Variants in PJA2 observed in about 807,000 individuals in gnomAD.
PJA2 encodes the protein praja ring finger ubiquitin ligase 2.
PJA2 carries 25 observed loss-of-function variants against 69.3 expected under a neutral mutation model. The ratio of observed to expected loss-of-function variants is 0.36; its 90% confidence interval spans 0.26 to 0.50. PJA2 has a LOEUF of 0.50. Ranked by LOEUF, PJA2 falls within the 20% of genes least tolerant of loss-of-function variation. The pLI, the probability that PJA2 is intolerant of heterozygous loss-of-function variation, is 0.96. For synonymous variants in PJA2, 308 were observed against 277.8 expected (o/e 1.11, Z -1.08); for missense variants, 809 against 830.2 (o/e 0.97, Z 0.31).
At chr5:109,388,425 C>A (rs765567144) in intron 1 of PJA2, among the ~76,000 whole-genome samples, 1 of 152,190 alleles carries the variant, frequency 6.6e-6, no homozygotes, top group Non-Finnish European at 1.5e-5. Flanking sequence ...TTCGAACCCA[C>A]TGGGACTATG....
At position 109,378,441 on chromosome 5, in the gene PJA2, G is replaced by A; in HGVS notation, c.1046C>T (p.Ala349Val). 1 of 1,614,086 alleles carries A rather than the reference G, an allele frequency of 6.2e-7. No homozygotes were observed. Residue 349 changes from alanine to valine, a missense_variant, in exon 4 of 10, where the codon GCT (alanine) becomes GTT (valine). Physicochemically the swap from Ala to Val is moderately conservative, Grantham distance 64. Around this residue, in one of 4 missense-constraint regions of PJA2, gnomAD observed 700 missense variants for 639.5 expected, o/e 1.09. Coordinates refer to ENST00000361189, the MANE Select transcript of PJA2 (RefSeq NM_014819.5). ...TGAGCCACTTTCCTCAACTTCCAAA[G>A]CCTCTCTCCATCTTTGAACACTTCT... ...KQRSVQRWRE[A>V]LEVEESGSDD...
intron 1 of PJA2, among the ~76,000 whole-genome samples, chr5:109,401,751 T>C (rs1301233807): frequency 6.6e-6 from 1 of 152,188 alleles, no homozygotes; most frequent in Non-Finnish European, 1.5e-5. Context: ...AAGTTCTTCA[T>C]GCAGAAAGAA....
intron 6 of PJA2, among the ~76,000 whole-genome samples, chr5:109,356,831 CTCA>C (rs2126995849): frequency 6.6e-6 from 1 of 152,142 alleles, no homozygotes; most frequent in South Asian, 2.1e-4. Context: ...CTCCTAACTG[CTCA>C]TTTTTAATTA....
chr5:109,353,692 CTAT>C (rs1338106971), intron 7 of PJA2, among the ~76,000 whole-genome samples: 1 of 146,464 alleles, frequency 6.8e-6, no homozygotes, highest in Non-Finnish European at 1.5e-5. Context: ...TATTAGATAC[CTAT>C]TATATCTACA....
At chr5:109,342,546 G>A (rs1455469575) in intron 9 of PJA2, among the ~76,000 whole-genome samples, 5 of 94,554 alleles carry the variant, frequency 5.3e-5, no homozygotes, top group Non-Finnish European at 8.3e-5. Flanking sequence ...TCCCCCACCC[G>A]GCCAGCCGCC....
At chr5:109,354,878 G>A (rs1762386452) in intron 7 of PJA2, among the ~76,000 whole-genome samples, 2 of 151,820 alleles carry the variant, frequency 1.3e-5, no homozygotes, top group Admixed American at 1.3e-4. Context: ...GCCATGGGAG[G>A]CCAGAGTGGG....
chr5:109,404,513 CA>C (rs202199896), intron 1 of PJA2, among the ~76,000 whole-genome samples: 3 of 147,998 alleles, frequency 2.0e-5, no homozygotes, highest in Middle Eastern at 3.4e-3. Flanking sequence ...AAGACTCTGT[CA>C]AAAAAAAATA....
At position 109,378,806 on chromosome 5, in the gene PJA2, T is replaced by C; in HGVS notation, c.681A>G (p.Arg227=). The part of the protein sequence containing the change: ...PPVPSFNCEV[R]DEFEELDSVP... ...CAGAATCTAACTCTTCAAACTCATC[T>C]CTTACTTCACAGTTAAATGAGGGAA... Residue 227 remains arginine, a synonymous_variant, in exon 4 of 10, where the codon AGA becomes AGG. Transcript: ENST00000361189. 1.2e-6 allele frequency: 2 copies of C among 1,613,278 alleles called. No homozygotes were observed. Among genetic ancestry groups the C allele is most frequent in the South Asian group, 1.1e-5 (1 of 91,082 alleles).
intron 6 of PJA2, among the ~76,000 whole-genome samples, chr5:109,361,065 T>G (rs527503919): frequency 6.6e-6 from 1 of 151,492 alleles, no homozygotes; most frequent in East Asian, 1.9e-4. Flanking sequence ...GAGGCAGAAG[T>G]TGCAGTGAGC....
At chr5:109,385,008 G>T (rs1459147848) in intron 1 of PJA2, among the ~76,000 whole-genome samples, 4 of 152,046 alleles carry the variant, frequency 2.6e-5, no homozygotes, top group African/African-American at 9.7e-5. Context: ...GTAGAGACAG[G>T]GTTTCACCAT....
At position 109,351,408 on chromosome 5, in the gene PJA2, T is replaced by C. The variant is rs1456310798; in HGVS notation, c.1764+4507A>G. On this transcript the variant is annotated intron_variant, in intron 7 of 9. Transcript: ENST00000361189. Reference sequence around the variant, plus strand: ...ACTTCCTACAAAACACTTACCAAAATTCATAATTTATTTTTGATTATTTGG... The same window carrying C: ...ACTTCCTACAAAACACTTACCAAAACTCATAATTTATTTTTGATTATTTGG... Among the ~76,000 whole-genome samples the C allele has an allele frequency of 3.3e-5, 5 of 152,118 alleles. No individual in the cohort carries two copies. In the East Asian group the frequency reaches 7.7e-4, roughly 23 times the overall value.
intron 8 of PJA2, 127 bp downstream of exon 8, chr5:109,344,578 T>A (rs1231637706): frequency 1.4e-6 from 1 of 706,434 alleles, no homozygotes; most frequent in Admixed American, 2.8e-5. Context: ...TTTGTGAGCA[T>A]CTGGTTTCTA....
At chr5:109,347,369 G>A (rs990261580) in intron 7 of PJA2, among the ~76,000 whole-genome samples, 1 of 152,210 alleles carries the variant, frequency 6.6e-6, no homozygotes. Context: ...GGTTCCCTTG[G>A]GCTTGCCCCT....
chr5:109,378,229 G>C lies in PJA2; in HGVS notation c.1258C>G (p.Gln420Glu). 6.2e-7 allele frequency: 1 copy of C among 1,612,652 alleles called. No homozygotes were observed. Among genetic ancestry groups the C allele is most frequent in the Non-Finnish European group, 8.5e-7 (1 of 1,179,046 alleles). The change falls in exon 4 of 10, where the codon CAA becomes GAA. Residue 420 changes from glutamine to glutamate, a missense_variant. Gln to Glu is a conservative substitution (Grantham distance 29, BLOSUM62 2). Around this residue, in one of 4 missense-constraint regions of PJA2, gnomAD observed 700 missense variants for 639.5 expected, o/e 1.09. Coordinates refer to ENST00000361189, the MANE Select transcript of PJA2 (RefSeq NM_014819.5). ...TFWNGCGDYY[Q>E]LYDKDEDSSE... ...CTATCTTCATCTTTGTCATAGAGTT[G>C]GTAATAATCTCCACAGCCATTCCAA...
chr5:109,354,307 TC>T (rs1307417537), intron 7 of PJA2, among the ~76,000 whole-genome samples: 2 of 146,474 alleles, frequency 1.4e-5, no homozygotes, highest in Non-Finnish European at 3.0e-5. Context: ...TCTAGAGATA[TC>T]TATAGATTAG....
rs1159225513 is a variant in PJA2 at position 109,343,289 on chromosome 5, AAAAG to A, written c.2001+897_2001+900del. ...AGGGCGGTGCAAAAAAAAAAAAAAA[AAAAG>A]AAAGAAAGAAAGAAAGAAAAAAAGA... On this transcript the variant is annotated intron_variant, in intron 9 of 9. Coordinates refer to ENST00000361189, the MANE Select transcript of PJA2 (RefSeq NM_014819.5). Among the ~76,000 whole-genome samples, 283 of 59,560 alleles carry A rather than the reference AAAAG, an allele frequency of 4.8e-3. 4 individuals are homozygous for A. Among genetic ancestry groups the A allele is most frequent in the African/African-American group, 8.3e-3 (120 of 14,516 alleles). The allele number at this position is 59,560 out of a possible 152,430, so 39.1% of individuals were successfully genotyped here. A position where few individuals can be genotyped will look rare whatever the true frequency, so the allele number is the denominator to read the frequency against.
rs201297581 is a variant in PJA2, at chr5:109,378,588, T to C, written c.899A>G (p.Asn300Ser). The change falls in exon 4 of 10, where the codon AAT becomes AGT. Residue 300 changes from asparagine to serine, a missense_variant. By Grantham distance (46) the Asn-to-Ser change is conservative. This residue lies in a region of PJA2 where 700 missense variants were observed against 639.5 expected (regional missense o/e 1.09). Transcript: ENST00000361189. ...PGHICSEQNTNDREKNHGSSP... is the reference protein window; with the variant it reads ...PGHICSEQNTSDREKNHGSSP... ...ACTTCCATGGTTCTTTTCCCTATCA[T>C]TGGTATTTTGTTCACTACAAATATG... 105 of 1,614,186 alleles carry C rather than the reference T, an allele frequency of 6.5e-5. No homozygotes were observed. In the Admixed American group the frequency reaches 9.0e-4, roughly 14 times the overall value.
chr5:109,342,518 G>C (rs1762090861), intron 9 of PJA2, among the ~76,000 whole-genome samples: 2 of 110,760 alleles, frequency 1.8e-5, no homozygotes, highest in South Asian at 2.7e-4. Flanking sequence ...GTCCGGGAGG[G>C]AGGTGGGGGG....
At chr5:109,339,138 G>A (rs763400463) in intron 9 of PJA2, among the ~76,000 whole-genome samples, 3 of 152,164 alleles carry the variant, frequency 2.0e-5, no homozygotes, top group Non-Finnish European at 4.4e-5. Flanking sequence ...ATCACAGAAG[G>A]CCTTGAATGT....
Sources: allele counts gnomAD v4.1 joint callset (sites outside exome capture counted in the v4.1 genomes callset), GRCh38; gene constraint gnomAD v4.1.1; regional missense constraint gnomAD v4.1.1; transcripts MANE v1.5; gene names NCBI Gene and HGNC (gene_info 2026-07-23, HGNC 2026-07-21).